Variants in GPRASP3 observed in about 807,000 individuals in gnomAD.
GPRASP3 encodes G protein-coupled receptor associated sorting protein family member 3.
the GPRASP3 span, chrX:102,750,817 A>G: frequency 3.0e-6 from 1 of 336,987 alleles, no homozygotes; most frequent in Non-Finnish European, 5.1e-6. Context: ...AAAATGTTTG[A>G]TTTTTATCTT....
chrX:102,739,391 G>A, the GPRASP3 span, among the ~76,000 whole-genome samples: 6 of 111,663 alleles, frequency 5.4e-5, no homozygotes, highest in East Asian at 1.4e-3. Context: ...CATTGAGAAG[G>A]GCATGGAAGT....
the GPRASP3 span, among the ~76,000 whole-genome samples, chrX:102,741,837 G>A: frequency 1.8e-5 from 2 of 112,246 alleles, no homozygotes; most frequent in African/African-American, 6.5e-5. Flanking sequence ...GTAAAGAAGA[G>A]AGTGGGCTGT....
chrX:102,733,320 A>T, the GPRASP3 span, among the ~76,000 whole-genome samples: 1,416 of 109,748 alleles, frequency 0.013, 18 homozygotes, highest in African/African-American at 0.045. Context: ...TTAGCCGGGC[A>T]TGGTGGCGGG....
chrX:102,749,836 T>G, the GPRASP3 span: 2 of 1,208,300 alleles, frequency 1.7e-6, no homozygotes, highest in Non-Finnish European at 2.2e-6. Context: ...TATCCCTGAG[T>G]GTCGTTTTGA....
At chrX:102,751,782 A>G in the GPRASP3 span, 2 of 123,002 alleles carry the variant, frequency 1.6e-5, no homozygotes, top group African/African-American at 6.5e-5. Context: ...AACTTTGTTC[A>G]ATGAGTAAGA....
At chrX:102,750,006 T>A in the GPRASP3 span, 1 of 1,200,917 alleles carries the variant, frequency 8.3e-7, no homozygotes. Flanking sequence ...CAACTACTGA[T>A]CCTCTTATTC....
chrX:102,724,620 G>A, the GPRASP3 span, among the ~76,000 whole-genome samples: 35 of 110,060 alleles, frequency 3.2e-4, no homozygotes, highest in African/African-American at 1.2e-3. Flanking sequence ...ATTGTGGCCT[G>A]ATTAAATACT....
At chrX:102,750,687 G>A in the GPRASP3 span, 1 of 1,038,810 alleles carries the variant, frequency 9.6e-7, no homozygotes, top group Non-Finnish European at 1.3e-6. Context: ...ACTCTAGCAG[G>A]CTGTACATTA....
the GPRASP3 span, among the ~76,000 whole-genome samples, chrX:102,725,746 C>T: frequency 4.5e-5 from 5 of 112,010 alleles, no homozygotes; most frequent in East Asian, 1.4e-3. Flanking sequence ...AGGGTTTTGC[C>T]ATGTTGGCCA....
At chrX:102,742,957 G>A in the GPRASP3 span, among the ~76,000 whole-genome samples, 1 of 111,448 alleles carries the variant, frequency 9.0e-6, no homozygotes, top group Non-Finnish European at 1.9e-5. Flanking sequence ...GATGCACATT[G>A]GTTCTGTCCA....
At chrX:102,752,782 T>G in the GPRASP3 span, 1 of 121,972 alleles carries the variant, frequency 8.2e-6, no homozygotes, top group Non-Finnish European at 1.9e-5. Context: ...AAGCTACTTT[T>G]TTTTTGAGAC....
chrX:102,724,926 T>G, the GPRASP3 span, among the ~76,000 whole-genome samples: 1 of 111,398 alleles, frequency 9.0e-6, no homozygotes, highest in African/African-American at 3.3e-5. Flanking sequence ...TAGAGGCTAC[T>G]TCAGATGTCA....
the GPRASP3 span, among the ~76,000 whole-genome samples, chrX:102,723,145 TAACTC>T: frequency 8.9e-6 from 1 of 112,082 alleles, no homozygotes; most frequent in Non-Finnish European, 1.9e-5. Flanking sequence ...ATTTTAAAAA[TAACTC>T]ATTTCAAATT....
chrX:102,722,139 A>G, the GPRASP3 span, among the ~76,000 whole-genome samples: 1 of 111,308 alleles, frequency 9.0e-6, no homozygotes, highest in Non-Finnish European at 1.9e-5. Flanking sequence ...GCCCTCCCTC[A>G]CTTCAGACAA....
chrX:102,736,004 G>A, the GPRASP3 span, among the ~76,000 whole-genome samples: 1 of 112,001 alleles, frequency 8.9e-6, no homozygotes, highest in Non-Finnish European at 1.9e-5. Context: ...TGGAGCCTAG[G>A]ACACCAGACA....
chrX:102,749,107 G>T, the GPRASP3 span: 4 of 1,212,212 alleles, frequency 3.3e-6, no homozygotes, highest in African/African-American at 1.7e-5. Flanking sequence ...TAGGCCTGTA[G>T]CCAAGACCAG....
the GPRASP3 span, among the ~76,000 whole-genome samples, chrX:102,731,659 A>C: frequency 1.3e-4 from 14 of 110,234 alleles, no homozygotes; most frequent in Admixed American, 1.3e-3. Context: ...TCAGAACAGG[A>C]GAGAAAGGGG....
At chrX:102,740,890 A>G in the GPRASP3 span, among the ~76,000 whole-genome samples, 1 of 111,552 alleles carries the variant, frequency 9.0e-6, no homozygotes, top group Non-Finnish European at 1.9e-5. Flanking sequence ...AAAGAAAAAG[A>G]AAAGAAGAAA....
the GPRASP3 span, among the ~76,000 whole-genome samples, chrX:102,741,015 G>A: frequency 4.5e-5 from 5 of 111,380 alleles, 1 homozygote; most frequent in Middle Eastern, 0.019. Context: ...GCAAATAACC[G>A]AGTCTCATGG....
Sources: gnomAD v4.1 joint callset for allele counts (sites outside exome capture counted in the v4.1 genomes callset) on GRCh38, gnomAD v4.1.1 for gene constraint, MANE v1.5 for transcripts, NCBI Gene and HGNC (gene_info 2026-07-23, HGNC 2026-07-21) for gene names.